CATSPER3: variants seen among roughly 807,000 people sequenced by gnomAD.
CATSPER3 encodes cation channel sperm-associated protein 3.
A neutral mutation model predicts 36.6 loss-of-function variants in CATSPER3; 23 were observed. That is an observed-to-expected ratio of 0.63 (90% confidence interval 0.45 to 0.89). The LOEUF (loss-of-function observed/expected upper bound fraction) is 0.89, where lower values mean the gene tolerates loss of function less well. Among genes scored for constraint, CATSPER3 ranks in the 40% least tolerant of loss-of-function variants. The probability of loss-of-function intolerance (pLI) is 0.00; values close to 1 mark genes in which losing one functional copy is unlikely to be tolerated. For missense variants in CATSPER3, 474 were observed against 503.9 expected, an observed-to-expected ratio of 0.94 and a Z score of 0.57; for synonymous variants, 172 against 184.1, an observed-to-expected ratio of 0.93 and a Z score of 0.53.
intron 2 of CATSPER3, among the ~76,000 whole-genome samples, chr5:134,973,842 A>G (rs1751635913): frequency 6.6e-6 from 1 of 152,206 alleles, no homozygotes; most frequent in Non-Finnish European, 1.5e-5. Flanking sequence ...ATGATACCCC[A>G]AAACAAACTG....
intron 7 of CATSPER3, 118 bp from the exon 8 acceptor site, chr5:135,011,403 T>A: frequency 1.3e-6 from 1 of 766,438 alleles, no homozygotes; most frequent in Non-Finnish European, 2.3e-6. Context: ...GGCTCTGAAG[T>A]CCTTGCTCTT....
rs538073774 is a variant in CATSPER3 at position 134,997,042 on chromosome 5, C to G, written c.492+530C>G. On this transcript the variant is annotated intron_variant, in intron 3 of 7. Transcript: ENST00000282611. ...AAAACCATGACCAACACTCCCTTGA[C>G]TCAGAGGCTTCAGAAAGAACCTCAG... is the stretch of plus-strand genomic sequence containing the variant. Among the ~76,000 whole-genome samples the G allele has an allele frequency of 3.9e-5, 6 of 152,366 alleles. No individual in the cohort carries two copies. In the South Asian group the frequency reaches 1.2e-3, roughly 32 times the overall value.
chr5:134,991,123 C>A (rs1314442353), intron 2 of CATSPER3, among the ~76,000 whole-genome samples: 1 of 152,020 alleles, frequency 6.6e-6, no homozygotes, highest in Non-Finnish European at 1.5e-5. Context: ...TAAAACATTG[C>A]TGAAAGAAAT....
chr5:134,999,226 T>C lies in CATSPER3; in HGVS notation c.492+2714T>C, dbSNP rs1433573388. Among the ~76,000 whole-genome samples, 9 of 152,218 alleles carry C rather than the reference T, an allele frequency of 5.9e-5. No individual in the cohort carries two copies. In the South Asian group the frequency reaches 1.7e-3, roughly 28 times the overall value. ...TTTGTCAAAGATCAGATGGTTGTAG[T>C]TGTGTGGTATTATTTCTGAGGGCTC... On this transcript the variant is annotated intron_variant, in intron 3 of 7. Transcript: ENST00000282611.
intron 2 of CATSPER3, among the ~76,000 whole-genome samples, chr5:134,983,785 T>G (rs989189875): frequency 6.6e-6 from 1 of 152,144 alleles, no homozygotes; most frequent in African/African-American, 2.4e-5. Flanking sequence ...AGATTATATA[T>G]TAGACCATAC....
At chr5:134,982,933 A>G (rs191905887) in intron 2 of CATSPER3, among the ~76,000 whole-genome samples, 8 of 152,352 alleles carry the variant, frequency 5.3e-5, no homozygotes, top group Admixed American at 1.3e-4. Flanking sequence ...ATGAAGCTGT[A>G]TAGAGCAGAA....
chr5:134,989,030 T>G (rs540163545), intron 2 of CATSPER3, among the ~76,000 whole-genome samples: 181 of 152,298 alleles, frequency 1.2e-3, no homozygotes, highest in African/African-American at 4.1e-3. Flanking sequence ...TTTATACATC[T>G]CCACCAGAAC....
chr5:135,011,345 G>A (rs1380648410), intron 7 of CATSPER3, among the ~76,000 whole-genome samples, 176 bp from the exon 8 acceptor site: 1 of 152,154 alleles, frequency 6.6e-6, no homozygotes. Flanking sequence ...TTGCTCCAGG[G>A]GGCCCCAGGC....
intron 3 of CATSPER3, among the ~76,000 whole-genome samples, chr5:135,005,607 A>C (rs542664665): frequency 6.6e-6 from 1 of 152,306 alleles, no homozygotes; most frequent in Non-Finnish European, 1.5e-5. Context: ...AGTCTAAAGG[A>C]ATCCTTAAAT....
At chr5:134,988,664 A>G (rs1031877089) in intron 2 of CATSPER3, among the ~76,000 whole-genome samples, 1 of 152,158 alleles carries the variant, frequency 6.6e-6, no homozygotes, top group Admixed American at 6.6e-5. Flanking sequence ...TTCAAGCTCC[A>G]TTTCTAATTC....
intron 5 of CATSPER3, 28 bp downstream of exon 5, chr5:135,009,009 G>C: frequency 6.2e-7 from 1 of 1,613,906 alleles, no homozygotes; most frequent in Non-Finnish European, 8.5e-7. Context: ...AGGATCGGAG[G>C]TCAGGGCAGG....
chr5:135,011,373 A>T lies in CATSPER3; in HGVS notation c.1095-148A>T, dbSNP rs1752177759. The stretch of plus-strand genomic sequence containing the variant: ...CCCCAGGCAGAGTGGCAGATCCAAG[A>T]TTCCAACCCAGCCTCATCTGGCTCT... On this transcript the variant is annotated intron_variant, in intron 7 of 7. Coordinates refer to ENST00000282611, the MANE Select transcript of CATSPER3 (RefSeq NM_178019.3). The T allele has an allele frequency of 1.3e-4, 93 of 695,148 alleles. 2 individuals carry two copies. In the South Asian group the frequency reaches 1.4e-3, roughly 11 times the overall value. 43.1% of individuals were successfully genotyped at this position (695,148 alleles called of 1,614,324 possible).
At chr5:134,986,112 A>G (rs1312518179) in intron 2 of CATSPER3, among the ~76,000 whole-genome samples, 1 of 151,426 alleles carries the variant, frequency 6.6e-6, no homozygotes, top group Non-Finnish European at 1.5e-5. Context: ...GGAAAACTAC[A>G]TTTTTCAAAT....
At chr5:134,968,116 G>C (rs1466385515) in intron 1 of CATSPER3, 27 bp downstream of exon 1, 5 of 1,469,204 alleles carry the variant, frequency 3.4e-6, no homozygotes, top group African/African-American at 2.8e-5. Context: ...TCCATTGCCT[G>C]TTAAGAAATG....
At chr5:134,977,823 C>G (rs1432367493) in intron 2 of CATSPER3, among the ~76,000 whole-genome samples, 1 of 152,126 alleles carries the variant, frequency 6.6e-6, no homozygotes, top group Non-Finnish European at 1.5e-5. Context: ...AGTATGGTGC[C>G]AGCATCTGCT....
chr5:134,987,859 A>T (rs1370763945), intron 2 of CATSPER3, among the ~76,000 whole-genome samples: 2 of 152,220 alleles, frequency 1.3e-5, no homozygotes, highest in Non-Finnish European at 2.9e-5. Context: ...ATTGAGAAAG[A>T]CGAAAAGCCT....
chr5:134,977,940 A>G (rs763254606), intron 2 of CATSPER3, among the ~76,000 whole-genome samples: 6 of 152,242 alleles, frequency 3.9e-5, no homozygotes, highest in Non-Finnish European at 7.4e-5. Flanking sequence ...GCCACACACT[A>G]TTAAACAACC....
Position 134,996,605 on chromosome 5 carries a change from C to T in CATSPER3, c.492+93C>T. 5 of 1,315,768 alleles carry T rather than the reference C, an allele frequency of 3.8e-6. No homozygotes were observed. In the Admixed American group the frequency reaches 8.8e-5, roughly 23 times the overall value. The allele number at this position is 1,315,768 out of a possible 1,614,324, so 81.5% of individuals were successfully genotyped here. A position where few individuals can be genotyped will look rare whatever the true frequency, so the allele number is the denominator to read the frequency against. ...AAGGAAATAATGACTCTACTACCAT[C>T]TTCCAGTTGTTGAGTCCAACGTGTG... On this transcript the variant is annotated intron_variant, in intron 3 of 7. Coordinates refer to ENST00000282611, the MANE Select transcript of CATSPER3 (RefSeq NM_178019.3).
Position 135,008,900 on chromosome 5 carries a change from G to T in CATSPER3, c.735G>T (p.Arg245=). ...ACAATCGGGAATTTGCTTTGAGCCG[G>T]GCATTCACCATCATCTTCATCTTGC... The part of the protein sequence containing the change: ...QLDNREFALS[R]AFTIIFILLA... Residue 245 remains arginine, a synonymous_variant, in exon 5 of 8, where the codon CGG becomes CGT. Transcript: ENST00000282611. 1.2e-6 allele frequency: 2 copies of T among 1,614,044 alleles called. No homozygotes were observed. Among genetic ancestry groups the T allele is most frequent in the Non-Finnish European group, 1.7e-6 (2 of 1,179,984 alleles).
Sources: allele counts gnomAD v4.1 joint callset (sites outside exome capture counted in the v4.1 genomes callset), GRCh38; gene constraint gnomAD v4.1.1; transcripts MANE v1.5; gene names NCBI Gene and HGNC (gene_info 2026-07-23, HGNC 2026-07-21).